TLK1: variants seen among roughly 807,000 people sequenced by gnomAD.
TLK1 encodes tousled like kinase 1.
In TLK1, 24 loss-of-function variants were observed where a neutral mutation model predicts 105.3. The ratio of observed to expected loss-of-function variants is 0.23; its 90% CI spans 0.17 to 0.32. The LOEUF (loss-of-function observed/expected upper bound fraction) is 0.32, where lower values mean the gene tolerates loss of function less well. Ranked by LOEUF, TLK1 falls within the 10% of genes least tolerant of loss-of-function variation. The probability of loss-of-function intolerance (pLI) is 1.00; values close to 1 mark genes in which losing one functional copy is unlikely to be tolerated. For missense variants in TLK1, 558 were observed against 910.5 expected, an observed-to-expected ratio of 0.61 and a Z score of 4.98; for synonymous variants, 321 against 310.4, an observed-to-expected ratio of 1.03 and a Z score of -0.36.
intron 3 of TLK1, among the ~76,000 whole-genome samples, chr2:171,073,875 C>A (rs1052084826): frequency 1.1e-4 from 10 of 87,242 alleles, no homozygotes; most frequent in African/African-American, 3.1e-4. Context: ...TTAACATTCC[C>A]CCCCCCCCTC....
chr2:171,040,614 G>A (rs538230199), intron 11 of TLK1, among the ~76,000 whole-genome samples: 11 of 140,406 alleles, frequency 7.8e-5, no homozygotes, highest in Non-Finnish European at 9.0e-5. Flanking sequence ...CTCTGTTGCC[G>A]AGGCTGGAGT....
At chr2:171,127,532 G>A (rs894471193) in intron 1 of TLK1, among the ~76,000 whole-genome samples, 1 of 151,980 alleles carries the variant, frequency 6.6e-6, no homozygotes, top group Non-Finnish European at 1.5e-5. Flanking sequence ...AAATGAACAT[G>A]TTAGTTAAAT....
chr2:171,200,935 G>T (rs1223407905), intron 1 of TLK1, among the ~76,000 whole-genome samples: 6 of 147,240 alleles, frequency 4.1e-5, no homozygotes, highest in African/African-American at 1.5e-4. Flanking sequence ...AGGCTGGAGT[G>T]CAGTGGCGCA....
intron 2 of TLK1, among the ~76,000 whole-genome samples, chr2:171,114,853 G>GA (rs1558949639): frequency 1.3e-5 from 2 of 151,590 alleles, no homozygotes; most frequent in Admixed American, 6.6e-5. Context: ...AAAAAAAGAA[G>GA]AAGAAAGAAA....
chr2:171,193,400 G>GTTT (rs548997754), intron 1 of TLK1, among the ~76,000 whole-genome samples: 1 of 138,758 alleles, frequency 7.2e-6, no homozygotes, highest in Non-Finnish European at 1.6e-5. Context: ...TTAGTTTTTC[G>GTTT]TTTTTTTTTT....
At chr2:171,015,003 A>T in intron 12 of TLK1, 55 bp from the exon 13 acceptor site, 1 of 1,331,544 alleles carries the variant, frequency 7.5e-7, no homozygotes, top group African/African-American at 1.4e-5. Context: ...GATATAAAAA[A>T]GATATTTTTA....
upstream of TLK1, among the ~76,000 whole-genome samples, chr2:171,163,436 G>A (rs1558977470): frequency 6.6e-6 from 1 of 152,200 alleles, no homozygotes; most frequent in Non-Finnish European, 1.5e-5. Flanking sequence ...TGCTCTTTCT[G>A]TATTTTTAAG....
chr2:171,003,242 C>A (rs1684475777), intron 18 of TLK1, among the ~76,000 whole-genome samples: 1 of 131,800 alleles, frequency 7.6e-6, no homozygotes, highest in South Asian at 2.3e-4. Flanking sequence ...CCACTGCACT[C>A]CAGCCTGGGC....
At chr2:171,073,374 T>C (rs1688348933) in intron 3 of TLK1, among the ~76,000 whole-genome samples, 5 of 152,174 alleles carry the variant, frequency 3.3e-5, no homozygotes, top group African/African-American at 9.6e-5. Flanking sequence ...AGCTGTTTGT[T>C]TGCTTGCTAA....
At chr2:171,034,831 G>A (rs1225560093) in intron 11 of TLK1, among the ~76,000 whole-genome samples, 2 of 152,002 alleles carry the variant, frequency 1.3e-5, no homozygotes, top group Non-Finnish European at 2.9e-5. Flanking sequence ...GAGTCCAAAC[G>A]TTCACAATGT....
rs149717413 is a variant in TLK1 at position 171,120,355 on chromosome 2, C to T, written c.140-2498G>A. On this transcript the variant is annotated intron_variant, in intron 1 of 20. Transcript: ENST00000431350. Reference sequence around the variant, plus strand: ...AAAGGACACAATCAACAGAGTGAGACGGCAACCCACAGAATGGAAAAAATA... The same window carrying T: ...AAAGGACACAATCAACAGAGTGAGATGGCAACCCACAGAATGGAAAAAATA... 5.2e-3 allele frequency among the ~76,000 whole-genome samples: 782 copies of T among 149,478 alleles called. 6 individuals are homozygous for T. Among genetic ancestry groups the T allele is most frequent in the African/African-American group, 0.017 (710 of 40,598 alleles).
intron 12 of TLK1, among the ~76,000 whole-genome samples, chr2:171,022,677 G>T (rs913412839): frequency 2.0e-5 from 3 of 152,136 alleles, no homozygotes; most frequent in Admixed American, 1.3e-4. Context: ...CAGGTTTAAA[G>T]ATTAAGCCCT....
intron 12 of TLK1, among the ~76,000 whole-genome samples, chr2:171,021,176 C>A (rs1356602523): frequency 6.6e-6 from 1 of 152,142 alleles, no homozygotes; most frequent in Non-Finnish European, 1.5e-5. Context: ...AGTTCCTCTA[C>A]TTTATTATAA....
chr2:171,198,160 T>C lies in TLK1; in HGVS notation c.-6+32985A>G, dbSNP rs6708484. Among the ~76,000 whole-genome samples, 786 of 152,236 alleles carry C rather than the reference T, an allele frequency of 5.2e-3. 8 individuals carry two copies. Among genetic ancestry groups the C allele is most frequent in the African/African-American group, 0.017 (723 of 41,526 alleles). On this transcript the variant is annotated intron_variant, in intron 1 of 20. Coordinates refer to the TLK1 transcript ENST00000521943. The stretch of plus-strand genomic sequence containing the variant: ...TAAGGAAAGTATCATCTACGTTCTA[T>C]AGTTACCAGAGGTAAGCAAGAACAG...
At chr2:171,000,879 T>C (rs893748437) in intron 18 of TLK1, among the ~76,000 whole-genome samples, 1 of 152,314 alleles carries the variant, frequency 6.6e-6, no homozygotes, top group African/African-American at 2.4e-5. Flanking sequence ...TGGCAGTGCC[T>C]CTTCTACTAC....
chr2:171,113,272 C>CTT (rs767944584), intron 2 of TLK1, among the ~76,000 whole-genome samples: 8 of 141,640 alleles, frequency 5.6e-5, no homozygotes, highest in African/African-American at 7.7e-5. Context: ...CATACATATC[C>CTT]TTTTTTTTTT....
rs1683840335 is a variant in TLK1 at position 170,992,803 on chromosome 2, A to T, written c.*977T>A. On this transcript the variant is annotated 3_prime_UTR_variant, in exon 21 of 21. Coordinates refer to ENST00000431350, the MANE Select transcript of TLK1 (RefSeq NM_012290.5). Reference sequence around the variant, plus strand: ...GCCTTCAAGAAGACTTAAAAAAAATACAATATCCAATTAGAAAAGCCATAT... The same window carrying T: ...GCCTTCAAGAAGACTTAAAAAAAATTCAATATCCAATTAGAAAAGCCATAT... The T allele has an allele frequency of 6.6e-6, 1 of 152,640 alleles. No individual in the cohort carries two copies. The highest frequency in any genetic ancestry group is 2.4e-5 in the African/African-American group (1 of 41,462). 9.5% of individuals were successfully genotyped at this position (152,640 alleles called of 1,614,324 possible).
At chr2:171,042,693 G>C (rs1686742903) in intron 11 of TLK1, among the ~76,000 whole-genome samples, 1 of 151,380 alleles carries the variant, frequency 6.6e-6, no homozygotes, top group Non-Finnish European at 1.5e-5. Context: ...TAGTGTGAGA[G>C]GCAATAGGAG....
At chr2:171,198,147 C>A (rs892245563) in intron 1 of TLK1, among the ~76,000 whole-genome samples, 3 of 152,076 alleles carry the variant, frequency 2.0e-5, no homozygotes, top group South Asian at 4.1e-4. Flanking sequence ...AGGAAAGTAT[C>A]ATCTACGTTC....
Sources: allele counts gnomAD v4.1 joint callset (sites outside exome capture counted in the v4.1 genomes callset), GRCh38; gene constraint gnomAD v4.1.1; transcripts MANE v1.5; gene names NCBI Gene and HGNC (gene_info 2026-07-23, HGNC 2026-07-21).